The following SORCS2 variants were observed in gnomAD, a reference collection of about 807,000 sequenced individuals.
The protein encoded by SORCS2 is VPS10 domain-containing receptor SorCS2.
In SORCS2, 100 loss-of-function variants were observed where a neutral mutation model predicts 141.6. The ratio of observed to expected loss-of-function variants is 0.71; its 90% CI spans 0.60 to 0.83. SORCS2 has a LOEUF of 0.83. Among genes scored for constraint, SORCS2 ranks in the 40% least tolerant of loss-of-function variants. SORCS2 has a pLI of 0.00. For synonymous variants in SORCS2, 789 were observed against 676.9 expected (o/e 1.17, Z -2.57); for missense variants, 1,646 against 1,560.2 (o/e 1.05, Z -0.93).
At chr4:7,616,789 A>G (rs1309814983) in intron 3 of SORCS2, among the ~76,000 whole-genome samples, 1 of 152,228 alleles carries the variant, frequency 6.6e-6, no homozygotes, top group South Asian at 2.1e-4. Flanking sequence ...TGACTATAAA[A>G]CCATTTAATT....
chr4:7,309,101 C>T (rs1279656133), intron 1 of SORCS2, among the ~76,000 whole-genome samples: 3 of 152,196 alleles, frequency 2.0e-5, no homozygotes, highest in African/African-American at 7.2e-5. Flanking sequence ...GCTGGGAGCC[C>T]CTTGGTTGTC....
intron 25 of SORCS2, among the ~76,000 whole-genome samples, chr4:7,734,836 A>G (rs1712034768): frequency 6.6e-6 from 1 of 152,246 alleles, no homozygotes; most frequent in Admixed American, 6.5e-5. Context: ...CCTCGAGAGC[A>G]CTTGAGAGCT....
intron 2 of SORCS2, among the ~76,000 whole-genome samples, chr4:7,402,928 C>T (rs913894312): frequency 1.3e-5 from 2 of 151,890 alleles, no homozygotes; most frequent in African/African-American, 4.8e-5. Flanking sequence ...TTTCTTGACC[C>T]GTACCTCTCT....
At chr4:7,463,704 G>C (rs28578097) in intron 2 of SORCS2, among the ~76,000 whole-genome samples, 2 of 152,212 alleles carry the variant, frequency 1.3e-5, no homozygotes, top group Non-Finnish European at 2.9e-5. Flanking sequence ...AAAGTTGGGC[G>C]GGCTTGGGGA....
At position 7,663,147 on chromosome 4, in the gene SORCS2, TGAAA is replaced by T. The variant is rs1208120926; in HGVS notation, c.953-1203_953-1200del. 1.3e-5 allele frequency among the ~76,000 whole-genome samples: 2 copies of T among 150,550 alleles called. No individual in the cohort carries two copies. The highest frequency in any genetic ancestry group is 1.5e-5 in the Non-Finnish European group (1 of 67,862). ...GTGGGTGAATAAGTGAGTGAGTAAT[TGAAA>T]GAGTGAGTGAGTGAATGAGTGATGA... On this transcript the variant is annotated intron_variant, in intron 6 of 26. Coordinates refer to ENST00000507866, the MANE Select transcript of SORCS2 (RefSeq NM_020777.3). The surrounding 1 kb of genome is among the most constrained non-coding windows in gnomAD (Gnocchi z 4.8).
chr4:7,332,307 G>T (rs1390218418), intron 1 of SORCS2, among the ~76,000 whole-genome samples: 1 of 152,212 alleles, frequency 6.6e-6, no homozygotes, highest in Admixed American at 6.5e-5. Context: ...CGCAGGCTCT[G>T]TCCACGTCTC....
intron 3 of SORCS2, among the ~76,000 whole-genome samples, chr4:7,562,972 A>G (rs1425711654): frequency 6.6e-6 from 1 of 152,228 alleles, no homozygotes; most frequent in African/African-American, 2.4e-5. Context: ...AAATAAGGTC[A>G]CATTCTGAGG....
At chr4:7,466,825 C>T (rs1729647374) in intron 2 of SORCS2, among the ~76,000 whole-genome samples, 1 of 152,168 alleles carries the variant, frequency 6.6e-6, no homozygotes, top group Non-Finnish European at 1.5e-5. Context: ...GGCATAGGCA[C>T]TTGGGAGGTC....
At chr4:7,545,710 G>C (rs1560375287) in intron 3 of SORCS2, among the ~76,000 whole-genome samples, 1 of 152,204 alleles carries the variant, frequency 6.6e-6, no homozygotes. Flanking sequence ...ACAGGCCCTG[G>C]AGAGCCTGGT....
At chr4:7,671,306 G>A (rs540516054) in intron 8 of SORCS2, among the ~76,000 whole-genome samples, 1 of 151,756 alleles carries the variant, frequency 6.6e-6, no homozygotes, top group South Asian at 2.1e-4. Flanking sequence ...AAGTTACGAG[G>A]CATACAAAGA....
chr4:7,740,322 G>A lies in SORCS2; in HGVS notation c.*58G>A, dbSNP rs1024033939. ...AGGGCACAGAACCACCAGCAAAGCC[G>A]GCGGCTGGACTGGCGCCCCTCAGAG... On this transcript the variant is annotated 3_prime_UTR_variant, in exon 27 of 27. Transcript: ENST00000507866. 3.6e-5 allele frequency: 55 copies of A among 1,530,680 alleles called. No homozygotes were observed. The highest frequency in any genetic ancestry group is 5.5e-5 in the African/African-American group (4 of 73,262). 94.8% of individuals were successfully genotyped at this position (1,530,680 alleles called of 1,614,324 possible).
chr4:7,286,044 G>GCTCCCTGCCTGC lies in SORCS2; in HGVS notation c.480+92924_480+92935dup, dbSNP rs1251292714. ...CCGAGAGCCAGCTGCCCCGCCGGGG[G>GCTCCCTGCCTGC]CTCCCTGCCTGCCTCCCATCCATCT... On this transcript the variant is annotated intron_variant, in intron 1 of 26. Coordinates refer to ENST00000507866, the MANE Select transcript of SORCS2 (RefSeq NM_020777.3). The surrounding 1 kb of genome is among the most constrained non-coding windows in gnomAD (Gnocchi z 4.1). Among the ~76,000 whole-genome samples, 1 of 152,182 alleles carries GCTCCCTGCCTGC rather than the reference G, an allele frequency of 6.6e-6. No homozygotes were observed. The highest frequency in any genetic ancestry group is 1.5e-5 in the Non-Finnish European group (1 of 68,024).
chr4:7,344,828 A>G (rs1720563888), intron 1 of SORCS2, among the ~76,000 whole-genome samples: 1 of 152,176 alleles, frequency 6.6e-6, no homozygotes, highest in African/African-American at 2.4e-5. Context: ...CTCACTGTTT[A>G]TCCTTGAAAA....
At chr4:7,301,413 T>G (rs923195965) in intron 1 of SORCS2, among the ~76,000 whole-genome samples, 2 of 152,162 alleles carry the variant, frequency 1.3e-5, no homozygotes, top group African/African-American at 4.8e-5. Flanking sequence ...ACCTGTGTGC[T>G]CAAATGAATG....
chr4:7,509,846 C>A (rs1732507590), intron 2 of SORCS2, among the ~76,000 whole-genome samples: 2 of 152,178 alleles, frequency 1.3e-5, no homozygotes, highest in Non-Finnish European at 2.9e-5. Flanking sequence ...GGGGCCCTGA[C>A]ATAGGGGGTT....
At chr4:7,271,160 A>C (rs559429110) in intron 1 of SORCS2, among the ~76,000 whole-genome samples, 63 of 152,244 alleles carry the variant, frequency 4.1e-4, no homozygotes, top group African/African-American at 1.4e-3. Flanking sequence ...TGCTGCTTCT[A>C]TCTCCTCTGT....
chr4:7,660,842 C>T (rs959943936), intron 5 of SORCS2, among the ~76,000 whole-genome samples: 2 of 152,152 alleles, frequency 1.3e-5, no homozygotes, highest in South Asian at 2.1e-4. Flanking sequence ...CGCCACCTCA[C>T]GAAAGGATTC....
intron 1 of SORCS2, among the ~76,000 whole-genome samples, chr4:7,253,629 G>A (rs1265452573): frequency 6.6e-6 from 1 of 152,196 alleles, no homozygotes; most frequent in Non-Finnish European, 1.5e-5. Context: ...AAGGATTCAG[G>A]GGCCCACAGG....
At chr4:7,383,904 C>T (rs898951002) in intron 1 of SORCS2, among the ~76,000 whole-genome samples, 1 of 152,112 alleles carries the variant, frequency 6.6e-6, no homozygotes, top group African/African-American at 2.4e-5. Context: ...CAAGACCCAC[C>T]TATTAAAATA....
Sources: gnomAD v4.1 joint callset for allele counts (sites outside exome capture counted in the v4.1 genomes callset) on GRCh38, gnomAD v4.1.1 for gene constraint, Gnocchi (gnomAD v3.1) non-coding constraint, MANE v1.5 for transcripts, NCBI Gene and HGNC (gene_info 2026-07-23, HGNC 2026-07-21) for gene names.